MICU2: variants seen among roughly 807,000 people sequenced by gnomAD.
MICU2 encodes mitochondrial calcium uptake 2.
In MICU2, 64 loss-of-function variants were observed where a neutral mutation model predicts 60.4. The ratio of observed to expected loss-of-function variants is 1.06; its 90% CI spans 0.87 to 1.31. MICU2 has a LOEUF of 1.31. MICU2 is among the 50% of genes most tolerant of loss of function. The pLI, the probability that MICU2 is intolerant of heterozygous loss-of-function variation, is 0.00. For missense variants in MICU2, 569 were observed against 531.0 expected, an observed-to-expected ratio of 1.07 and a Z score of -0.70; for synonymous variants, 201 against 175.0, an observed-to-expected ratio of 1.15 and a Z score of -1.17.
rs372260010 is a variant in MICU2, at chr13:21,598,328, T to A, written c.210+5611A>T. ...AATAACAAATAAAATATCACTGATA[T>A]CACTGTTGTCAACTGTGAACTATAT... On this transcript the variant is annotated intron_variant, in intron 1 of 11. Transcript: ENST00000382374. Among the ~76,000 whole-genome samples, 322 of 152,324 alleles carry A rather than the reference T, an allele frequency of 2.1e-3. 1 individual carries two copies. Among genetic ancestry groups the A allele is most frequent in the African/African-American group, 7.5e-3 (312 of 41,574 alleles).
chr13:21,552,314 T>C (rs1183046983), intron 2 of MICU2, among the ~76,000 whole-genome samples: 3 of 152,222 alleles, frequency 2.0e-5, no homozygotes, highest in Non-Finnish European at 2.9e-5. Context: ...GAGTTCATTG[T>C]AGATTCTGGA....
At chr13:21,546,157 G>A (rs1336264111) in intron 2 of MICU2, among the ~76,000 whole-genome samples, 1 of 152,100 alleles carries the variant, frequency 6.6e-6, no homozygotes, top group Non-Finnish European at 1.5e-5. Context: ...TTTAAATAGT[G>A]GATGCAAAGG....
intron 1 of MICU2, among the ~76,000 whole-genome samples, chr13:21,577,819 A>T (rs1219105577): frequency 6.6e-6 from 1 of 150,478 alleles, no homozygotes; most frequent in African/African-American, 2.4e-5. Context: ...AAAAAAAAAA[A>T]AAAAAAAAAG....
intron 1 of MICU2, among the ~76,000 whole-genome samples, chr13:21,600,581 T>A (rs1182666143): frequency 6.6e-6 from 1 of 152,108 alleles, no homozygotes; most frequent in Non-Finnish European, 1.5e-5. Flanking sequence ...TCAAAACTTG[T>A]GAAAGGAAGA....
rs1024820839 is a variant in MICU2 at position 21,546,030 on chromosome 13, TA to T, written c.359-6343del. On this transcript the variant is annotated intron_variant, in intron 2 of 11. Coordinates refer to ENST00000382374, the MANE Select transcript of MICU2 (RefSeq NM_152726.3). ...GTATGTACAATTATTATGGGTCAGT[TA>T]AAAAAAATCAATAAATAAAACATTT... is the stretch of plus-strand genomic sequence containing the variant. Among the ~76,000 whole-genome samples the T allele has an allele frequency of 5.3e-5, 8 of 151,976 alleles. No individual in the cohort carries two copies. In the East Asian group the frequency reaches 5.8e-4, roughly 11 times the overall value.
chr13:21,601,988 A>C (rs1339607534), intron 1 of MICU2, among the ~76,000 whole-genome samples: 10 of 151,820 alleles, frequency 6.6e-5, no homozygotes, highest in African/African-American at 2.4e-4. Flanking sequence ...TATGCCTGTA[A>C]TCCTAGCTAC....
chr13:21,574,276 C>A (rs1888176785), intron 1 of MICU2, among the ~76,000 whole-genome samples: 1 of 152,124 alleles, frequency 6.6e-6, no homozygotes, highest in African/African-American at 2.4e-5. Context: ...GCATCTACTA[C>A]TAAATATATG....
At chr13:21,582,825 C>A in intron 1 of MICU2, 1 of 154,812 alleles carries the variant, frequency 6.5e-6, no homozygotes, top group Non-Finnish European at 1.4e-5. Flanking sequence ...GGGCCACGTG[C>A]ATCAGGGGTA....
At chr13:21,548,997 G>A (rs7982177) in intron 2 of MICU2, among the ~76,000 whole-genome samples, 51,785 of 146,566 alleles carry the variant, frequency 0.35, 10,162 homozygotes, top group East Asian at 0.66. Context: ...CACAATCTTG[G>A]TTCACCGCAA....
intron 1 of MICU2, among the ~76,000 whole-genome samples, chr13:21,590,458 T>C (rs1454719536): frequency 6.6e-6 from 1 of 152,220 alleles, no homozygotes; most frequent in Admixed American, 6.5e-5. Flanking sequence ...ATATCAAATA[T>C]CTTGTTTAAA....
At chr13:21,602,031 C>T (rs762849948) in intron 1 of MICU2, among the ~76,000 whole-genome samples, 3 of 150,464 alleles carry the variant, frequency 2.0e-5, no homozygotes, top group Non-Finnish European at 2.9e-5. Flanking sequence ...TTACTTGAAC[C>T]GGGGAGTTAA....
In MICU2 at chr13:21,515,574, G is replaced by A. The variant is rs947661322; in HGVS notation, c.598-1156C>T. ...AATTGTATCAATCCTCATATGGAAA[G>A]CAAATTTAAAAAAGAAAGCATTTTA... is the stretch of plus-strand genomic sequence containing the variant. On this transcript the variant is annotated intron_variant, in intron 6 of 11. Coordinates refer to ENST00000382374, the MANE Select transcript of MICU2 (RefSeq NM_152726.3). 2.1e-5 allele frequency: 9 copies of A among 433,592 alleles called. No individual in the cohort carries two copies. In the Admixed American group the frequency reaches 2.3e-4, roughly 11 times the overall value. 26.9% of individuals were successfully genotyped at this position (433,592 alleles called of 1,614,324 possible).
intron 1 of MICU2, among the ~76,000 whole-genome samples, chr13:21,579,528 G>C (rs4770177): frequency 0.54 from 82,437 of 151,940 alleles, 24,126 homozygotes; most frequent in East Asian, 1. Flanking sequence ...TTTTAGTAGA[G>C]AAGTGGTTTC....
Position 21,551,782 on chromosome 13 carries a change from G to A in MICU2, c.359-12094C>T, listed in dbSNP as rs534711132. Among the ~76,000 whole-genome samples the A allele has an allele frequency of 7.6e-4, 115 of 151,814 alleles. No homozygotes were observed. The Middle Eastern group carries it at 0.01, about 13-fold the overall frequency. On this transcript the variant is annotated intron_variant, in intron 2 of 11. Coordinates refer to ENST00000382374, the MANE Select transcript of MICU2 (RefSeq NM_152726.3). ...GGACATGAACTCATCATTTTTTATG[G>A]CTGCATAGTATTCCATGGTGTATAT...
At chr13:21,570,262 CAT>C (rs1478678732) in intron 1 of MICU2, among the ~76,000 whole-genome samples, 9 of 152,226 alleles carry the variant, frequency 5.9e-5, no homozygotes, top group Admixed American at 5.2e-4. Context: ...GATGAACCAA[CAT>C]AGTTTTTTTA....
intron 6 of MICU2, 36 bp downstream of exon 6, chr13:21,521,209 T>G (rs1459033912): frequency 1.3e-6 from 2 of 1,482,280 alleles, no homozygotes; most frequent in Non-Finnish European, 1.9e-6. Flanking sequence ...ATCCAGGTAT[T>G]TTATGATAAA....
chr13:21,537,973 T>G (rs1227946271), intron 4 of MICU2, among the ~76,000 whole-genome samples: 1 of 152,156 alleles, frequency 6.6e-6, no homozygotes, highest in Non-Finnish European at 1.5e-5. Flanking sequence ...TCTTTCCTAT[T>G]TTCCAGGATT....
intron 2 of MICU2, among the ~76,000 whole-genome samples, chr13:21,561,800 T>C (rs1022600892): frequency 1.3e-5 from 2 of 148,330 alleles, no homozygotes; most frequent in African/African-American, 4.9e-5. Context: ...CATGCTGGTG[T>C]GCTGCACCCA....
intron 6 of MICU2, among the ~76,000 whole-genome samples, chr13:21,515,315 C>G (rs941177035): frequency 6.6e-6 from 1 of 151,352 alleles, no homozygotes; most frequent in African/African-American, 2.4e-5. Context: ...ATCTCCTGAC[C>G]TTGTGATCCA....
Sources: allele counts gnomAD v4.1 joint callset (sites outside exome capture counted in the v4.1 genomes callset), GRCh38; gene constraint gnomAD v4.1.1; transcripts MANE v1.5; gene names NCBI Gene and HGNC (gene_info 2026-07-23, HGNC 2026-07-21).